Variants in CDK14 observed in about 807,000 individuals in gnomAD.
CDK14 encodes the protein cyclin dependent kinase 14.
CDK14 carries 34 observed loss-of-function variants against 60.7 expected under a neutral mutation model. That is an observed-to-expected ratio of 0.56 (90% confidence interval 0.43 to 0.75). The LOEUF (loss-of-function observed/expected upper bound fraction) is 0.75. CDK14 is among the 30% of genes least tolerant of loss of function. The pLI is 0.00. For synonymous variants in CDK14, 197 were observed against 203.7 expected, an observed-to-expected ratio of 0.97 and a Z score of 0.28; for missense variants, 482 against 564.1, an observed-to-expected ratio of 0.85 and a Z score of 1.47.
chr7:91,140,417 G>A (rs1323397129), intron 14 of CDK14, among the ~76,000 whole-genome samples: 2 of 152,146 alleles, frequency 1.3e-5, no homozygotes, highest in Non-Finnish European at 2.9e-5. Flanking sequence ...GTTCTGTTGT[G>A]TCTGTTTGAG....
In CDK14 at chr7:90,649,357, CTTCCTTCCT is replaced by C. The variant is rs1563029995; in HGVS notation, c.123+45119_123+45127del. Among the ~76,000 whole-genome samples, 157 of 44,798 alleles carry C rather than the reference CTTCCTTCCT, an allele frequency of 3.5e-3. 4 individuals are homozygous for C. Among genetic ancestry groups the C allele is most frequent in the African/African-American group, 0.013 (91 of 7,248 alleles). 29.4% of individuals were successfully genotyped at this position (44,798 alleles called of 152,430 possible). A position where few individuals can be genotyped will look rare whatever the true frequency, so the allele number is the denominator to read the frequency against. ...CCTTCCTTCCTTCCTTCCTTCCTTCCTTCCTTCCTTTCCTTCCTTCCTTCCTTCCTTCCT... is the reference window on the plus strand; with the variant it reads ...CCTTCCTTCCTTCCTTCCTTCCTTCCTTCCTTCCTTCCTTCCTTCCTTCCT... On this transcript the variant is annotated intron_variant, in intron 2 of 14. Coordinates refer to ENST00000380050, the MANE Select transcript of CDK14 (RefSeq NM_001287135.2).
At chr7:90,843,355 T>G (rs1227711664) in intron 5 of CDK14, among the ~76,000 whole-genome samples, 1 of 152,178 alleles carries the variant, frequency 6.6e-6, no homozygotes, top group Non-Finnish European at 1.5e-5. Flanking sequence ...TTTAAAAAAT[T>G]TTGCAGCTTT....
chr7:90,931,484 A>C (rs959341256), intron 8 of CDK14, among the ~76,000 whole-genome samples: 7 of 152,174 alleles, frequency 4.6e-5, no homozygotes, highest in African/African-American at 1.7e-4. Context: ...CAAGGTGCTC[A>C]TTGGACTCTA....
intron 4 of CDK14, among the ~76,000 whole-genome samples, chr7:90,781,357 T>C (rs1472308347): frequency 6.6e-6 from 1 of 152,100 alleles, no homozygotes; most frequent in African/African-American, 2.4e-5. Context: ...TTTCTCCCAT[T>C]TTATGGGTTG....
intron 5 of CDK14, among the ~76,000 whole-genome samples, chr7:90,862,396 G>T (rs75403777): frequency 0.12 from 18,880 of 152,096 alleles, 1,412 homozygotes; most frequent in Middle Eastern, 0.23. Context: ...TCAGAACAAA[G>T]AAATTTACTA....
At chr7:91,124,651 G>GCT (rs1799888127) in intron 14 of CDK14, among the ~76,000 whole-genome samples, 1 of 151,860 alleles carries the variant, frequency 6.6e-6, no homozygotes, top group African/African-American at 2.4e-5. Context: ...GGTCAAATGA[G>GCT]CTTTCAAAAT....
chr7:90,743,749 A>G (rs1211416630), intron 3 of CDK14, among the ~76,000 whole-genome samples: 1 of 151,902 alleles, frequency 6.6e-6, no homozygotes, highest in East Asian at 1.9e-4. Flanking sequence ...TATTAATTTA[A>G]TCTATTTATT....
At chr7:90,822,595 G>C (rs1789588120) in intron 5 of CDK14, among the ~76,000 whole-genome samples, 1 of 152,100 alleles carries the variant, frequency 6.6e-6, no homozygotes, top group Admixed American at 6.6e-5. Flanking sequence ...CTTACCTGCA[G>C]AGCAGCCTTT....
intron 9 of CDK14, among the ~76,000 whole-genome samples, chr7:90,966,276 T>G (rs1458059286): frequency 6.6e-6 from 1 of 152,212 alleles, no homozygotes; most frequent in Non-Finnish European, 1.5e-5. Flanking sequence ...TTCCTTCTGA[T>G]CTGTATTTCT....
chr7:90,635,621 T>A (rs1800125930), intron 2 of CDK14, among the ~76,000 whole-genome samples: 1 of 152,164 alleles, frequency 6.6e-6, no homozygotes, highest in African/African-American at 2.4e-5. Context: ...ATGCGGGCTC[T>A]TTTTTGGTTC....
At chr7:90,710,751 CTT>C (rs975951853) in intron 2 of CDK14, among the ~76,000 whole-genome samples, 7 of 152,086 alleles carry the variant, frequency 4.6e-5, no homozygotes, top group Admixed American at 6.6e-5. Flanking sequence ...TCCAATGAGG[CTT>C]ACCTGCTTGT....
At chr7:91,096,991 AT>A (rs1449292346) in intron 12 of CDK14, among the ~76,000 whole-genome samples, 6 of 152,194 alleles carry the variant, frequency 3.9e-5, no homozygotes, top group African/African-American at 1.4e-4. Flanking sequence ...GATGTCAAAA[AT>A]TTTTTCTTTT....
At chr7:90,603,874 G>C (rs940435046) in intron 1 of CDK14, among the ~76,000 whole-genome samples, 5 of 152,106 alleles carry the variant, frequency 3.3e-5, no homozygotes, top group Admixed American at 6.6e-5. Flanking sequence ...AGGAGTTTAA[G>C]GGGAAATTTC....
intron 3 of CDK14, among the ~76,000 whole-genome samples, chr7:90,744,978 T>A (rs968681974): frequency 5.9e-5 from 9 of 152,216 alleles, no homozygotes; most frequent in Admixed American, 4.6e-4. Flanking sequence ...AACCTCTCAC[T>A]CCTTACCCTC....
chr7:91,150,268 T>G (rs1800793636), intron 14 of CDK14, among the ~76,000 whole-genome samples: 1 of 152,206 alleles, frequency 6.6e-6, no homozygotes, highest in Admixed American at 6.5e-5. Flanking sequence ...ACGGGGGACA[T>G]TTCGTGTTTA....
rs73398995 is a variant in CDK14 at position 91,072,364 on chromosome 7, A to G, written c.1106-7068A>G. ...GCCTCCTCAAGTTCACTCCAGGTGCAGGAGTGAAACAGATAAATAGGGCCT... is the reference window on the plus strand; with the variant it reads ...GCCTCCTCAAGTTCACTCCAGGTGCGGGAGTGAAACAGATAAATAGGGCCT... On this transcript the variant is annotated intron_variant, in intron 11 of 14. Coordinates refer to ENST00000380050, the MANE Select transcript of CDK14 (RefSeq NM_001287135.2). Among the ~76,000 whole-genome samples, 1,235 of 152,290 alleles carry G rather than the reference A, an allele frequency of 8.1e-3. 19 individuals carry two copies. Among genetic ancestry groups the G allele is most frequent in the African/African-American group, 0.027 (1,140 of 41,572 alleles).
chr7:91,023,429 G>A (rs1796486140), intron 10 of CDK14, among the ~76,000 whole-genome samples: 1 of 152,112 alleles, frequency 6.6e-6, no homozygotes, highest in African/African-American at 2.4e-5. Context: ...GATGAAATAA[G>A]TACTTCTCAA....
At chr7:90,676,301 C>T (rs529929493) in intron 2 of CDK14, among the ~76,000 whole-genome samples, 2 of 152,066 alleles carry the variant, frequency 1.3e-5, no homozygotes, top group Middle Eastern at 3.2e-3. Flanking sequence ...TCAGGAAGGG[C>T]GTCCCTGAGA....
intron 11 of CDK14, among the ~76,000 whole-genome samples, chr7:91,051,551 A>G (rs1478762337): frequency 2.0e-5 from 3 of 152,054 alleles, no homozygotes; most frequent in South Asian, 4.1e-4. Flanking sequence ...TGTGTTCAGG[A>G]TACTTGCTGT....
Sources: gnomAD v4.1 joint callset for allele counts (sites outside exome capture counted in the v4.1 genomes callset) on GRCh38, gnomAD v4.1.1 for gene constraint, MANE v1.5 for transcripts, NCBI Gene and HGNC (gene_info 2026-07-23, HGNC 2026-07-21) for gene names.